Variants in PCDHGB3 observed in about 807,000 individuals in gnomAD.
PCDHGB3 encodes protocadherin gamma-B3.
PCDHGB3 carries 40 observed loss-of-function variants against 59.2 expected under a neutral mutation model. The ratio of observed to expected loss-of-function variants is 0.68; its 90% CI spans 0.52 to 0.88. The LOEUF (loss-of-function observed/expected upper bound fraction) is 0.88, where lower values mean the gene tolerates loss of function less well. Among genes scored for constraint, PCDHGB3 ranks in the 40% least tolerant of loss-of-function variants. The probability of loss-of-function intolerance (pLI) is 0.00; values close to 1 mark genes in which losing one functional copy is unlikely to be tolerated. For missense variants in PCDHGB3, 1,309 were observed against 1,187.9 expected (o/e 1.10, Z -1.50); for synonymous variants, 581 against 503.6 (o/e 1.15, Z -2.06).
At position 141,372,305 on chromosome 5, in the gene PCDHGB3, C is replaced by T. The variant is rs749468095; in HGVS notation, c.1911C>T (p.Ala637=). The T allele has an allele frequency of 3.1e-6, 5 of 1,613,260 alleles. No individual in the cohort carries two copies. The highest frequency in any genetic ancestry group is 1.1e-5 in the South Asian group (1 of 91,088). ...CGCGTACCTTGGGCGACAGGGAGGC[C>T]GCCCGCCAGCGCCTGCTGGTCACTG... The part of the protein sequence containing the change: ...RTARTLGDRE[A]ARQRLLVTVR... Residue 637 remains alanine, a synonymous_variant, in exon 1 of 4, where the codon GCC becomes GCT. Coordinates refer to ENST00000576222, the MANE Select transcript of PCDHGB3 (RefSeq NM_018924.5).
intron 1 of PCDHGB3, chr5:141,427,778 A>T: frequency 1.4e-6 from 2 of 1,436,676 alleles, no homozygotes; most frequent in Non-Finnish European, 1.9e-6. Context: ...AGCTGCGGGC[A>T]CTGTCGTCCT....
Position 141,420,413 on chromosome 5 carries a change from A to G in PCDHGB3, c.2415+47604A>G, listed in dbSNP as rs191893876. 4 of 1,222,394 alleles carry G rather than the reference A, an allele frequency of 3.3e-6. No individual in the cohort carries two copies. In the Admixed American group the frequency reaches 1.1e-4, roughly 33 times the overall value. 75.7% of individuals were successfully genotyped at this position (1,222,394 alleles called of 1,614,324 possible). A position where few individuals can be genotyped will look rare whatever the true frequency, so the allele number is the denominator to read the frequency against. ...ATAGGTCAAATTTATGGTTATCATT[A>G]TTAAAACAAAAGTTTAAATTAAATG... On this transcript the variant is annotated intron_variant, in intron 1 of 3. Transcript: ENST00000576222.
Position 141,372,168 on chromosome 5 carries a change from G to T in PCDHGB3, c.1774G>T (p.Val592Leu). 1 of 1,613,754 alleles carries T rather than the reference G, an allele frequency of 6.2e-7. No individual in the cohort carries two copies. Reference protein sequence around the residue: ...AEPGYLVTKVVAVDADSGYNA... With the variant: ...AEPGYLVTKVLAVDADSGYNA... ...GCCTGGCTACCTGGTGACCAAGGTGGTGGCGGTGGACGCAGACTCGGGATA... is the reference window on the plus strand; with the variant it reads ...GCCTGGCTACCTGGTGACCAAGGTGTTGGCGGTGGACGCAGACTCGGGATA... Residue 592 changes from valine (V) to leucine (L), a missense_variant, in exon 1 of 4, where the codon GTG (valine) becomes TTG (leucine). Transcript: ENST00000576222.
chr5:141,408,336 C>A, intron 1 of PCDHGB3: 1 of 1,613,910 alleles, frequency 6.2e-7, no homozygotes, highest in Non-Finnish European at 8.5e-7. Flanking sequence ...GCCAAGGGCT[C>A]GGTGGTGGGG....
At chr5:141,382,657 C>T (rs1385150684) in intron 1 of PCDHGB3, 5 of 416,908 alleles carry the variant, frequency 1.2e-5, no homozygotes, top group Non-Finnish European at 2.1e-5. Flanking sequence ...AGTAAGGACT[C>T]ACAGCGCCGC....
chr5:141,413,054 A>G (rs2095600698), intron 1 of PCDHGB3: 1 of 981,614 alleles, frequency 1.0e-6, no homozygotes, highest in African/African-American at 1.6e-5. Flanking sequence ...AGGGAAGCTC[A>G]CTCCAGAATT....
intron 1 of PCDHGB3, chr5:141,433,226 C>G (rs1433770157): frequency 6.6e-7 from 1 of 1,514,890 alleles, no homozygotes; most frequent in Non-Finnish European, 9.0e-7. Context: ...TTTTTAATTG[C>G]TCTGTCTCCC....
intron 1 of PCDHGB3, among the ~76,000 whole-genome samples, chr5:141,425,919 G>A (rs11167745): frequency 2.0e-5 from 3 of 152,174 alleles, no homozygotes; most frequent in East Asian, 1.9e-4. Flanking sequence ...CAGTCACTAC[G>A]AAAACTCATA....
chr5:141,374,215 C>A (rs770866531), intron 1 of PCDHGB3: 22 of 1,613,838 alleles, frequency 1.4e-5, no homozygotes, highest in South Asian at 8.8e-5. Context: ...AAGGCTCCTT[C>A]GTAGGCAACA....
chr5:141,384,835 G>A (rs1390926308), intron 1 of PCDHGB3: 2 of 1,613,468 alleles, frequency 1.2e-6, no homozygotes, highest in East Asian at 2.2e-5. Flanking sequence ...CGTGGTGGCC[G>A]TCCAGGACCA....
chr5:141,441,739 C>T, intron 1 of PCDHGB3: 1 of 365,272 alleles, frequency 2.7e-6, no homozygotes, highest in South Asian at 2.2e-5. Context: ...GACTAGCTCG[C>T]GCTCGGCGTC....
At chr5:141,406,072 CTTT>C (rs530474569) in intron 1 of PCDHGB3, among the ~76,000 whole-genome samples, 2 of 141,478 alleles carry the variant, frequency 1.4e-5, no homozygotes. Context: ...ATTCTTACTC[CTTT>C]TTTTTTTTTT....
At chr5:141,437,863 G>A (rs2097915247) in intron 1 of PCDHGB3, among the ~76,000 whole-genome samples, 2 of 151,480 alleles carry the variant, frequency 1.3e-5, no homozygotes, top group African/African-American at 2.4e-5. Context: ...TTAGCCTCCC[G>A]AGTAGCTGGG....
At position 141,511,124 on chromosome 5, in the gene PCDHGB3, C is replaced by A. The variant is rs752246201; in HGVS notation, c.2741C>A (p.Ala914Glu). The A allele has an allele frequency of 6.2e-7, 1 of 1,614,206 alleles. No homozygotes were observed. The highest frequency in any genetic ancestry group is 8.5e-7 in the Non-Finnish European group (1 of 1,180,022). ...AAGKRDGKAP[A>E]GGNGNKKKSG... The stretch of plus-strand genomic sequence containing the variant: ...GGCAAGCGGGATGGCAAGGCCCCAG[C>A]AGGTGGCAATGGCAACAAGAAGAAG... Residue 914 changes from alanine (A) to glutamate (E), a missense_variant, in exon 4 of 4, where the codon GCA becomes GAA. Coordinates refer to ENST00000576222, the MANE Select transcript of PCDHGB3 (RefSeq NM_018924.5).
rs776737236 is a variant in PCDHGB3, at chr5:141,431,439, G to T, written c.2415+58630G>T. 20 of 1,613,724 alleles carry T rather than the reference G, an allele frequency of 1.2e-5. No individual in the cohort carries two copies. The highest frequency in any genetic ancestry group is 4.5e-5 in the East Asian group (2 of 44,888). Reference sequence around the variant, plus strand: ...GACCCGGTGCGCACAGGCACCGCGCGCATCCGCGTGATGGTTCTGGATGCG... The same window carrying T: ...GACCCGGTGCGCACAGGCACCGCGCTCATCCGCGTGATGGTTCTGGATGCG... On this transcript the variant is annotated intron_variant, in intron 1 of 3. Coordinates refer to ENST00000576222, the MANE Select transcript of PCDHGB3 (RefSeq NM_018924.5). This position sits in a 1 kb window ranked among gnomAD's most constrained non-coding sequence, Gnocchi z 4.8.
rs753702657 is a variant in PCDHGB3 at position 141,415,195 on chromosome 5, C to G, written c.2415+42386C>G. ...CGTGGCCGTGGCCGACAGCATCCCC[C>G]AAGTCCTGGCGGACCTCGGCAGCTT... On this transcript the variant is annotated intron_variant, in intron 1 of 3. Transcript: ENST00000576222. 5 of 1,614,058 alleles carry G rather than the reference C, an allele frequency of 3.1e-6. No individual in the cohort carries two copies. The highest frequency in any genetic ancestry group is 1.1e-5 in the South Asian group (1 of 91,090).
chr5:141,434,509 T>C (rs1480014539), intron 1 of PCDHGB3, among the ~76,000 whole-genome samples: 3 of 152,232 alleles, frequency 2.0e-5, no homozygotes, highest in Non-Finnish European at 4.4e-5. Context: ...AGAAAACTGC[T>C]TAAAGGTGTT....
intron 1 of PCDHGB3, chr5:141,419,997 T>C: frequency 2.5e-6 from 4 of 1,614,088 alleles, no homozygotes; most frequent in Non-Finnish European, 3.4e-6. Flanking sequence ...GCTATTGCTC[T>C]ACGCCTGCGA....
chr5:141,394,912 T>C (rs1205097386), intron 1 of PCDHGB3: 11 of 1,613,694 alleles, frequency 6.8e-6, no homozygotes, highest in Non-Finnish European at 9.3e-6. Context: ...GTGGCTGCCA[T>C]CTCCTGTGTC....
Sources: allele counts gnomAD v4.1 joint callset (sites outside exome capture counted in the v4.1 genomes callset), GRCh38; gene constraint gnomAD v4.1.1; non-coding constraint Gnocchi (gnomAD v3.1); transcripts MANE v1.5; gene names NCBI Gene and HGNC (gene_info 2026-07-23, HGNC 2026-07-21).